The following SFMBT2 variants were observed in gnomAD, a reference collection of about 807,000 sequenced individuals.
The protein encoded by SFMBT2 is Scm like with four mbt domains 2, also known as scm-like with four MBT domains protein 2.
SFMBT2 carries 38 observed loss-of-function variants against 110.1 expected under a neutral mutation model. That is an observed-to-expected ratio of 0.35 (90% CI 0.27 to 0.45). SFMBT2 has a LOEUF of 0.45. SFMBT2 is among the 20% of genes least tolerant of loss of function. The pLI, the probability that SFMBT2 is intolerant of heterozygous loss-of-function variation, is 1.00. For missense variants in SFMBT2, 1,011 were observed against 1,094.9 expected (o/e 0.92, Z 1.08); for synonymous variants, 425 against 425.4 (o/e 1.00, Z 0.01).
chr10:7,205,516 A>AT (rs1491027492), intron 12 of SFMBT2: 1 of 900,228 alleles, frequency 1.1e-6, no homozygotes, highest in African/African-American at 2.9e-5. Flanking sequence ...TATCTAACAT[A>AT]TTTTTTCACA....
intron 7 of SFMBT2, among the ~76,000 whole-genome samples, chr10:7,274,508 T>C (rs1278503389): frequency 6.6e-6 from 1 of 152,060 alleles, no homozygotes; most frequent in Non-Finnish European, 1.5e-5. Flanking sequence ...ATAAGGGCCT[T>C]CCCCCTTCAT....
intron 9 of SFMBT2, among the ~76,000 whole-genome samples, chr10:7,236,410 TA>T (rs1840256219): frequency 2.0e-5 from 3 of 152,068 alleles, no homozygotes; most frequent in African/African-American, 7.2e-5. Context: ...TATTATAAAG[TA>T]ATAACAATTT....
rs191401987 is a variant in SFMBT2 at position 7,382,007 on chromosome 10, C to T, written c.-51-58G>A. On this transcript the variant is annotated intron_variant, in intron 1 of 20. Transcript: ENST00000397167. ...AGTTTAATCATATTGATTATATTCACTTATTTTTAATTTTGTTTAAAAAAA... is the reference window on the plus strand; with the variant it reads ...AGTTTAATCATATTGATTATATTCATTTATTTTTAATTTTGTTTAAAAAAA... 2.9e-4 allele frequency: 266 copies of T among 923,986 alleles called. 3 individuals carry two copies. In the African/African-American group the frequency reaches 3.9e-3, roughly 14 times the overall value. 57.2% of individuals were successfully genotyped at this position (923,986 alleles called of 1,614,324 possible).
chr10:7,280,912 T>G (rs376198928), intron 6 of SFMBT2, among the ~76,000 whole-genome samples: 5 of 152,226 alleles, frequency 3.3e-5, no homozygotes, highest in African/African-American at 1.2e-4. Context: ...CTCTTCTATT[T>G]TGCTGAACAG....
At chr10:7,397,875 C>T (rs530042808) in intron 1 of SFMBT2, among the ~76,000 whole-genome samples, 1 of 152,242 alleles carries the variant, frequency 6.6e-6, no homozygotes. Context: ...ATCTCTCCCC[C>T]ACTCTCACCA....
At chr10:7,371,911 C>T (rs572297525) in intron 2 of SFMBT2, among the ~76,000 whole-genome samples, 1 of 147,298 alleles carries the variant, frequency 6.8e-6, no homozygotes, top group Non-Finnish European at 1.5e-5. Context: ...TACTTTTTGT[C>T]CACCTGTAAT....
chr10:7,405,557 C>T (rs951883904), intron 1 of SFMBT2, among the ~76,000 whole-genome samples: 7 of 152,214 alleles, frequency 4.6e-5, no homozygotes, highest in Admixed American at 1.3e-4. Flanking sequence ...CACGGTTGCA[C>T]ATGGATGTCA....
intron 1 of SFMBT2, among the ~76,000 whole-genome samples, chr10:7,406,174 A>G (rs1846204765): frequency 1.3e-5 from 2 of 152,030 alleles, no homozygotes; most frequent in South Asian, 4.1e-4. Flanking sequence ...ATAAAGAGAG[A>G]AATGTCCAAC....
chr10:7,169,546 ATGATC>A (rs1837808315), intron 20 of SFMBT2, among the ~76,000 whole-genome samples: 2 of 152,344 alleles, frequency 1.3e-5, no homozygotes, highest in South Asian at 4.1e-4. Context: ...ACTGATTTAT[ATGATC>A]TAAAAAGAGA....
intron 4 of SFMBT2, among the ~76,000 whole-genome samples, chr10:7,316,826 A>G (rs1843027507): frequency 6.6e-6 from 1 of 152,140 alleles, no homozygotes. Flanking sequence ...ACCTCTTGAT[A>G]TTACATAGCC....
At position 7,298,030 on chromosome 10, in the gene SFMBT2, G is replaced by A. The variant is rs564478295; in HGVS notation, c.437-12076C>T. ...TCCACCATCACTGGGGCTCGCAGGT[G>A]AGGCCTGGAGGTGGTCGTGCTGCTG... On this transcript the variant is annotated intron_variant, in intron 4 of 20. Transcript: ENST00000397167. Among the ~76,000 whole-genome samples, 46 of 152,362 alleles carry A rather than the reference G, an allele frequency of 3.0e-4. No individual in the cohort carries two copies. In the South Asian group the frequency reaches 9.3e-3, roughly 31 times the overall value.
chr10:7,385,935 G>A (rs1234938733), intron 1 of SFMBT2, among the ~76,000 whole-genome samples: 2 of 152,138 alleles, frequency 1.3e-5, no homozygotes, highest in African/African-American at 2.4e-5. Flanking sequence ...GGGAGGCAGA[G>A]CTTGCAGTGA....
chr10:7,205,631 C>T, intron 12 of SFMBT2, 184 bp downstream of exon 12: 2 of 985,338 alleles, frequency 2.0e-6, no homozygotes, highest in Middle Eastern at 5.2e-4. Flanking sequence ...GTTTGTCAAC[C>T]TGTGACATCA....
intron 6 of SFMBT2, among the ~76,000 whole-genome samples, chr10:7,283,286 A>C (rs980667229): frequency 1.3e-5 from 2 of 152,216 alleles, no homozygotes; most frequent in Non-Finnish European, 2.9e-5. Context: ...GCCTCTGCAA[A>C]GCCATTTGAC....
In SFMBT2 at chr10:7,202,993, G is replaced by A. The variant is rs1310378336; in HGVS notation, c.1445-471C>T. On this transcript the variant is annotated intron_variant, in intron 12 of 20. Transcript: ENST00000397167. The stretch of plus-strand genomic sequence containing the variant: ...TTCACAAAAGGAGAACCAGTAGCTC[G>A]CAAATACGCCTGGTCAAATATTGAC... The A allele has an allele frequency of 1.7e-5, 17 of 985,266 alleles. 1 individual carries two copies. The South Asian group carries it at 3.8e-4, about 22-fold the overall frequency. The allele number at this position is 985,266 out of a possible 1,614,324, so 61.0% of individuals were successfully genotyped here.
intron 4 of SFMBT2, among the ~76,000 whole-genome samples, chr10:7,333,762 C>G (rs528586244): frequency 4.7e-4 from 71 of 151,146 alleles, no homozygotes; most frequent in African/African-American, 1.6e-3. Context: ...GGCCTCCCCA[C>G]CCCAGCTCCC....
At chr10:7,280,495 G>A (rs930623711) in intron 6 of SFMBT2, among the ~76,000 whole-genome samples, 1 of 152,192 alleles carries the variant, frequency 6.6e-6, no homozygotes, top group Non-Finnish European at 1.5e-5. Context: ...CTTAGCATCT[G>A]CAAGAATATC....
chr10:7,186,459 C>T (rs59302181), intron 16 of SFMBT2, among the ~76,000 whole-genome samples: 1,888 of 126,788 alleles, frequency 0.015, 63 homozygotes, highest in African/African-American at 0.056. Flanking sequence ...CACACACACA[C>T]ATATATATAT....
At chr10:7,298,050 C>T (rs2131874172) in intron 4 of SFMBT2, among the ~76,000 whole-genome samples, 1 of 152,350 alleles carries the variant, frequency 6.6e-6, no homozygotes, top group East Asian at 1.9e-4. Flanking sequence ...GGTGGTCGTG[C>T]TGCTGTTGGC....
Sources: gnomAD v4.1 joint callset for allele counts (sites outside exome capture counted in the v4.1 genomes callset) on GRCh38, gnomAD v4.1.1 for gene constraint, MANE v1.5 for transcripts, NCBI Gene and HGNC (gene_info 2026-07-23, HGNC 2026-07-21) for gene names.